GRID1: variants seen among roughly 807,000 people sequenced by gnomAD.
GRID1 encodes the protein glutamate ionotropic receptor delta type subunit 1.
GRID1 carries 28 observed loss-of-function variants against 98.0 expected under a neutral mutation model. The observed-to-expected ratio is 0.29, with a 90% CI of 0.21 to 0.39. The LOEUF is 0.39. Ranked by LOEUF, GRID1 falls within the 10% of genes least tolerant of loss-of-function variation. The probability of loss-of-function intolerance (pLI) is 1.00; values close to 1 mark genes in which losing one functional copy is unlikely to be tolerated. For synonymous variants in GRID1, 553 were observed against 538.5 expected (o/e 1.03, Z -0.37); for missense variants, 1,111 against 1,340.5 (o/e 0.83, Z 2.67).
chr10:85,907,783 T>C (rs1841483206), intron 5 of GRID1, among the ~76,000 whole-genome samples: 1 of 152,116 alleles, frequency 6.6e-6, no homozygotes, highest in Non-Finnish European at 1.5e-5. Flanking sequence ...AAAAATTTAA[T>C]GAATCAAATA....
intron 2 of GRID1, among the ~76,000 whole-genome samples, chr10:86,347,452 G>C (rs559292854): frequency 2.6e-5 from 4 of 152,348 alleles, no homozygotes; most frequent in African/African-American, 9.6e-5. Flanking sequence ...ATTGATTCGG[G>C]GAGGAAGTGA....
At position 86,122,045 on chromosome 10, in the gene GRID1, CTGGCTG is replaced by C. The variant is rs563170664; in HGVS notation, c.726+16768_726+16773del. On this transcript the variant is annotated intron_variant, in intron 4 of 15. Transcript: ENST00000327946. ...GAGAAATGGGAGCAGTGACAACAGCCTGGCTGTGGACAGAGTGACAGACCTAAGGGC... is the reference window on the plus strand; with the variant it reads ...GAGAAATGGGAGCAGTGACAACAGCCTGGACAGAGTGACAGACCTAAGGGC... 5.6e-3 allele frequency among the ~76,000 whole-genome samples: 857 copies of C among 152,326 alleles called. 6 individuals carry two copies. The highest frequency in any genetic ancestry group is 0.019 in the African/African-American group (798 of 41,554).
intron 2 of GRID1, among the ~76,000 whole-genome samples, chr10:86,261,085 C>G (rs1187363096): frequency 6.6e-6 from 1 of 152,242 alleles, no homozygotes; most frequent in African/African-American, 2.4e-5. Flanking sequence ...GCCATGAGGG[C>G]TGGGGCCCCT....
intron 8 of GRID1, among the ~76,000 whole-genome samples, chr10:85,785,365 A>G (rs1293861357): frequency 6.6e-6 from 1 of 152,218 alleles, no homozygotes; most frequent in Non-Finnish European, 1.5e-5. Context: ...AGAGCAAAGC[A>G]GAGGAAACAG....
At chr10:86,168,213 G>A (rs745740709) in intron 3 of GRID1, among the ~76,000 whole-genome samples, 12 of 152,228 alleles carry the variant, frequency 7.9e-5, no homozygotes, top group Non-Finnish European at 1.5e-4. Flanking sequence ...TCGAGTCTAA[G>A]GCAAATCTTT....
chr10:86,234,243 A>G (rs1195932528), intron 2 of GRID1, among the ~76,000 whole-genome samples: 1 of 152,194 alleles, frequency 6.6e-6, no homozygotes, highest in East Asian at 1.9e-4. Context: ...GAGCCACCCT[A>G]GAAAGAGAGA....
intron 8 of GRID1, among the ~76,000 whole-genome samples, chr10:85,777,102 A>C (rs1217301907): frequency 6.6e-6 from 1 of 152,122 alleles, no homozygotes; most frequent in Non-Finnish European, 1.5e-5. Flanking sequence ...CTTCCTCTCT[A>C]ATTCTCCAAC....
chr10:86,103,808 T>C (rs1344783462), intron 4 of GRID1, among the ~76,000 whole-genome samples: 1 of 149,808 alleles, frequency 6.7e-6, no homozygotes, highest in African/African-American at 2.5e-5. Context: ...CCCAACCATG[T>C]CACGAGAGAG....
chr10:86,221,686 G>A (rs1437716138), intron 2 of GRID1, among the ~76,000 whole-genome samples: 2 of 152,240 alleles, frequency 1.3e-5, no homozygotes, highest in Admixed American at 6.5e-5. Flanking sequence ...CTCACACTGG[G>A]GTGAGAGGTT....
chr10:85,724,822 A>T, intron 10 of GRID1, 146 bp from the exon 11 acceptor site: 2 of 609,822 alleles, frequency 3.3e-6, no homozygotes, highest in Non-Finnish European at 5.7e-6. Context: ...TCTGAATATT[A>T]TAAGGAAAAT....
At chr10:85,676,972 A>G (rs1441335652) in intron 12 of GRID1, among the ~76,000 whole-genome samples, 1 of 152,200 alleles carries the variant, frequency 6.6e-6, no homozygotes, top group African/African-American at 2.4e-5. Context: ...GCCTTAAGAG[A>G]AAACCTGACC....
intron 8 of GRID1, among the ~76,000 whole-genome samples, chr10:85,770,485 G>C (rs1436996300): frequency 6.6e-6 from 1 of 152,244 alleles, no homozygotes; most frequent in Admixed American, 6.5e-5. Context: ...GAATGCCTTT[G>C]ACAAGTTGAG....
rs1295948735 is a variant in GRID1, at chr10:85,820,011, AAGGAAGGAAGGAAGGAAGGC to A, written c.1233+34465_1233+34484del. ...GAAGGAAGGAAGGAAGGAAGGAAGG[AAGGAAGGAAGGAAGGAAGGC>A]AGGCAGGCAGGCAGGCAGGCAGGCA... On this transcript the variant is annotated intron_variant, in intron 8 of 15. Transcript: ENST00000327946. 5.6e-4 allele frequency among the ~76,000 whole-genome samples: 68 copies of A among 122,508 alleles called. No homozygotes were observed. In the Middle Eastern group the frequency reaches 0.011, roughly 20 times the overall value. 80.4% of individuals were successfully genotyped at this position (122,508 alleles called of 152,430 possible).
At chr10:86,183,342 A>T (rs1845683190) in intron 3 of GRID1, among the ~76,000 whole-genome samples, 1 of 44,594 alleles carries the variant, frequency 2.2e-5, no homozygotes, top group South Asian at 1.1e-3. Context: ...TACCACAATT[A>T]TTTATTTATT....
intron 5 of GRID1, among the ~76,000 whole-genome samples, chr10:85,909,141 G>A (rs1187054077): frequency 2.0e-5 from 3 of 152,120 alleles, no homozygotes; most frequent in African/African-American, 7.2e-5. Context: ...CAGATACTTT[G>A]CCAAGAAGAT....
At chr10:85,746,681 G>A (rs1842000405) in intron 8 of GRID1, among the ~76,000 whole-genome samples, 1 of 152,090 alleles carries the variant, frequency 6.6e-6, no homozygotes, top group African/African-American at 2.4e-5. Flanking sequence ...CAGTCTTTCA[G>A]TAACTCCCAC....
At chr10:85,764,903 G>C (rs756668886) in intron 8 of GRID1, among the ~76,000 whole-genome samples, 1 of 152,062 alleles carries the variant, frequency 6.6e-6, no homozygotes, top group Non-Finnish European at 1.5e-5. Context: ...AAATAGAAAG[G>C]GTCATCAGAC....
chr10:86,091,847 G>A (rs116011578), intron 4 of GRID1, among the ~76,000 whole-genome samples: 2,069 of 152,226 alleles, frequency 0.014, 54 homozygotes, highest in African/African-American at 0.048. Context: ...GCCCCGAGCC[G>A]GGTAGACTCG....
At chr10:85,717,961 C>T (rs1590202932) in intron 12 of GRID1, among the ~76,000 whole-genome samples, 2 of 152,294 alleles carry the variant, frequency 1.3e-5, no homozygotes, top group Non-Finnish European at 2.9e-5. Flanking sequence ...CCAGGTCTCA[C>T]ATCCAAGACA....
Sources: allele counts gnomAD v4.1 joint callset (sites outside exome capture counted in the v4.1 genomes callset), GRCh38; gene constraint gnomAD v4.1.1; transcripts MANE v1.5; gene names NCBI Gene and HGNC (gene_info 2026-07-23, HGNC 2026-07-21).